FBXL7: variants seen among roughly 807,000 people sequenced by gnomAD.
FBXL7 encodes the protein F-box/LRR-repeat protein 7.
FBXL7 carries 12 observed loss-of-function variants against 38.3 expected under a neutral mutation model. The observed-to-expected ratio is 0.31, with a 90% CI of 0.20 to 0.51. The LOEUF (loss-of-function observed/expected upper bound fraction) is 0.51. Among genes scored for constraint, FBXL7 ranks in the 20% least tolerant of loss-of-function variants. The pLI, the probability that FBXL7 is intolerant of heterozygous loss-of-function variation, is 0.98. For synonymous variants in FBXL7, 297 were observed against 300.9 expected (o/e 0.99, Z 0.13); for missense variants, 567 against 676.4 (o/e 0.84, Z 1.79).
intron 1 of FBXL7, among the ~76,000 whole-genome samples, chr5:15,560,335 G>A (rs1306015695): frequency 6.6e-6 from 1 of 152,128 alleles, no homozygotes; most frequent in Non-Finnish European, 1.5e-5. Context: ...TGCTTATCTT[G>A]ATAATTGACA....
intron 1 of FBXL7, among the ~76,000 whole-genome samples, chr5:15,566,894 G>C (rs1561030428): frequency 6.6e-6 from 1 of 152,134 alleles, no homozygotes; most frequent in East Asian, 1.9e-4. Context: ...CCTGTAGAAA[G>C]ATTGTCAGTG....
intron 2 of FBXL7, among the ~76,000 whole-genome samples, chr5:15,705,677 G>T (rs1200617109): frequency 2.0e-5 from 3 of 152,112 alleles, no homozygotes; most frequent in Admixed American, 6.5e-5. Context: ...TGACATTGTT[G>T]GATATTGATT....
At chr5:15,586,296 T>C (rs1245743776) in intron 1 of FBXL7, among the ~76,000 whole-genome samples, 3 of 108,804 alleles carry the variant, frequency 2.8e-5, no homozygotes, top group Non-Finnish European at 3.5e-5. Context: ...TCTTTCTCTC[T>C]CTCTCCCCCC....
intron 1 of FBXL7, among the ~76,000 whole-genome samples, chr5:15,606,291 G>GCA (rs148470712): frequency 0.013 from 1,886 of 150,606 alleles, 39 homozygotes; most frequent in African/African-American, 0.042. Context: ...ATGCGCACGT[G>GCA]CACACACACA....
intron 2 of FBXL7, among the ~76,000 whole-genome samples, chr5:15,771,081 A>T (rs1736717582): frequency 6.6e-6 from 1 of 152,158 alleles, no homozygotes; most frequent in Non-Finnish European, 1.5e-5. Flanking sequence ...CCTGTTTTGC[A>T]GTTAAGCCTT....
chr5:15,831,214 C>T (rs182222253), intron 2 of FBXL7, among the ~76,000 whole-genome samples: 1 of 152,194 alleles, frequency 6.6e-6, no homozygotes, highest in East Asian at 1.9e-4. Context: ...AGGGAATTTG[C>T]GATTGTTTTG....
chr5:15,550,062 C>T (rs1169389364), intron 1 of FBXL7, among the ~76,000 whole-genome samples: 1 of 152,188 alleles, frequency 6.6e-6, no homozygotes, highest in African/African-American at 2.4e-5. Flanking sequence ...TTGCTGAAGA[C>T]CTCTTGTGCT....
chr5:15,564,030 T>C lies in FBXL7; in HGVS notation c.38-51953T>C, dbSNP rs1047922668. Among the ~76,000 whole-genome samples the C allele has an allele frequency of 3.3e-5, 5 of 152,156 alleles. No homozygotes were observed. In the East Asian group the frequency reaches 9.6e-4, roughly 29 times the overall value. ...GAAGCCCTTTTATCGTTGGAAACCA[T>C]TCTTCCTGGTTCACACATGTAACAG... On this transcript the variant is annotated intron_variant, in intron 1 of 3. Coordinates refer to ENST00000504595, the MANE Select transcript of FBXL7 (RefSeq NM_012304.5).
At chr5:15,547,720 C>T (rs1262223072) in intron 1 of FBXL7, among the ~76,000 whole-genome samples, 1 of 152,200 alleles carries the variant, frequency 6.6e-6, no homozygotes, top group African/African-American at 2.4e-5. Flanking sequence ...TGAAGGACAT[C>T]CTGTTTCCAG....
At chr5:15,667,231 T>G (rs1742311459) in intron 2 of FBXL7, among the ~76,000 whole-genome samples, 1 of 152,182 alleles carries the variant, frequency 6.6e-6, no homozygotes, top group Non-Finnish European at 1.5e-5. Context: ...TCTTTTCTTT[T>G]TATGGTGATA....
At chr5:15,562,781 C>T (rs1246667601) in intron 1 of FBXL7, among the ~76,000 whole-genome samples, 1 of 152,042 alleles carries the variant, frequency 6.6e-6, no homozygotes, top group East Asian at 1.9e-4. Flanking sequence ...ATGTGCCAGA[C>T]ACTGTTCTAG....
chr5:15,612,900 A>G (rs1740301287), intron 1 of FBXL7, among the ~76,000 whole-genome samples: 1 of 152,218 alleles, frequency 6.6e-6, no homozygotes, highest in African/African-American at 2.4e-5. Flanking sequence ...TTTGAAAGAC[A>G]GTTTAATCTC....
At chr5:15,524,547 T>TA in intron 1 of FBXL7, among the ~76,000 whole-genome samples, 1 of 152,326 alleles carries the variant, frequency 6.6e-6, no homozygotes, top group Admixed American at 6.5e-5. Context: ...TGACCTCTCT[T>TA]AGCACAAACT....
chr5:15,502,112 A>G lies in FBXL7; in HGVS notation c.37+1399A>G, dbSNP rs530371542. Among the ~76,000 whole-genome samples the G allele has an allele frequency of 1.4e-4, 21 of 152,290 alleles. No homozygotes were observed. In the South Asian group the frequency reaches 4.3e-3, roughly 32 times the overall value. On this transcript the variant is annotated intron_variant, in intron 1 of 3. Transcript: ENST00000504595. ...TTAAGCCTTCTTACTCCGAGTTATT[A>G]AAAAGCTTTCAGGATATAATTGTAG...
At chr5:15,734,056 A>G in intron 2 of FBXL7, among the ~76,000 whole-genome samples, 1 of 151,212 alleles carries the variant, frequency 6.6e-6, no homozygotes, top group East Asian at 1.9e-4. Flanking sequence ...GGAGGGTTGC[A>G]GTGCACCAAG....
At chr5:15,825,302 A>G (rs1342988225) in intron 2 of FBXL7, among the ~76,000 whole-genome samples, 1 of 152,172 alleles carries the variant, frequency 6.6e-6, no homozygotes, top group African/African-American at 2.4e-5. Flanking sequence ...AAAACCAAAG[A>G]AAGTTTGGAA....
chr5:15,693,416 C>G (rs77385854), intron 2 of FBXL7, among the ~76,000 whole-genome samples: 1 of 152,126 alleles, frequency 6.6e-6, no homozygotes, highest in Non-Finnish European at 1.5e-5. Context: ...TCCCTTATTC[C>G]CTTGCTTCCT....
In FBXL7 at chr5:15,756,715, A is replaced by G. The variant is rs138855864; in HGVS notation, c.127+140643A>G. The stretch of plus-strand genomic sequence containing the variant: ...AAGTGTGAATGGCTCATTTTTAATG[A>G]CTAGCCAACAGCCACTTGTAAAAGA... On this transcript the variant is annotated intron_variant, in intron 2 of 3. Coordinates refer to ENST00000504595, the MANE Select transcript of FBXL7 (RefSeq NM_012304.5). Among the ~76,000 whole-genome samples, 892 of 152,322 alleles carry G rather than the reference A, an allele frequency of 5.9e-3. 4 individuals carry two copies. The highest frequency in any genetic ancestry group is 0.01 in the Middle Eastern group (3 of 294).
intron 1 of FBXL7, among the ~76,000 whole-genome samples, chr5:15,612,357 A>G (rs146634725): frequency 1.3e-5 from 2 of 152,202 alleles, no homozygotes; most frequent in African/African-American, 4.8e-5. Flanking sequence ...TCAATGAAAC[A>G]TATGCACTTA....
Sources: gnomAD v4.1 joint callset for allele counts (sites outside exome capture counted in the v4.1 genomes callset) on GRCh38, gnomAD v4.1.1 for gene constraint, MANE v1.5 for transcripts, NCBI Gene and HGNC (gene_info 2026-07-23, HGNC 2026-07-21) for gene names.